The following ZNF837 variants were observed in gnomAD, a reference collection of about 807,000 sequenced individuals.
ZNF837 encodes the protein zinc finger protein 837.
For synonymous variants in ZNF837, 475 were observed against 365.2 expected (o/e 1.30, Z -3.43); for missense variants, 955 against 801.7 (o/e 1.19, Z -2.31).
chr19:58,370,873 C>T (rs530769075), intron 1 of ZNF837, among the ~76,000 whole-genome samples: 136 of 137,486 alleles, frequency 9.9e-4, no homozygotes, highest in Middle Eastern at 4.1e-3. Flanking sequence ...CCAGCCTGGG[C>T]AACAAAAGTG....
Position 58,367,751 on chromosome 19 carries a change from G to C in ZNF837, c.1582C>G (p.Arg528Gly). ...GCTCCCTGCAGTCAAGGCGCGGCGC[G>C]GCCCCCGTGCCGCTTCCGGTGCTCG... ...LNEHRKRHGG[R>G]AAP The change falls in exon 3 of 3, where the codon CGC becomes GGC. Residue 528 changes from arginine (R) to glycine (G), a missense_variant. Coordinates refer to ENST00000597582, the MANE Select transcript of ZNF837 (RefSeq NM_138466.2). 1 of 1,527,162 alleles carries C rather than the reference G, an allele frequency of 6.5e-7. No homozygotes were observed. 94.6% of individuals were successfully genotyped at this position (1,527,162 alleles called of 1,614,324 possible).
rs1487693541 is a variant in ZNF837 at position 58,369,122 on chromosome 19, C to T, written c.211G>A (p.Gly71Arg). The T allele has an allele frequency of 1.9e-5, 28 of 1,481,352 alleles. No homozygotes were observed. Among genetic ancestry groups the T allele is most frequent in the Non-Finnish European group, 2.4e-5 (27 of 1,117,706 alleles). 91.8% of individuals were successfully genotyped at this position (1,481,352 alleles called of 1,614,324 possible). ...CGGGTCCCCGGGCCGGGGCTCACCC[C>T]GAGGCTGCAGCCCCGGGAGCCCCCG... is the stretch of plus-strand genomic sequence containing the variant. ...PGGGSRGCSLGVSPGPGTRHS... is the reference protein window; with the variant it reads ...PGGGSRGCSLRVSPGPGTRHS... Residue 71 changes from glycine to arginine, a missense_variant, in exon 3 of 3, where the codon GGG (glycine) becomes AGG (arginine). Transcript: ENST00000597582.
At chr19:58,371,283 C>T (rs1599924287) in intron 1 of ZNF837, among the ~76,000 whole-genome samples, 1 of 150,750 alleles carries the variant, frequency 6.6e-6, no homozygotes, top group Admixed American at 6.6e-5. Flanking sequence ...TGATGCATGC[C>T]TGTAGTCCCA....
chr19:58,373,105 A>C (rs2052215407), intron 1 of ZNF837, among the ~76,000 whole-genome samples: 1 of 152,190 alleles, frequency 6.6e-6, no homozygotes, highest in Non-Finnish European at 1.5e-5. Flanking sequence ...GTGAGACAGG[A>C]AAGGTGAGGC....
At chr19:58,372,389 C>G (rs1031438236) in intron 1 of ZNF837, among the ~76,000 whole-genome samples, 1 of 147,170 alleles carries the variant, frequency 6.8e-6, no homozygotes, top group Non-Finnish European at 1.5e-5. Flanking sequence ...CTCAGAGGGC[C>G]GGGTGTGGTG....
Position 58,368,017 on chromosome 19 carries a change from C to A in ZNF837, c.1316G>T (p.Arg439Leu), listed in dbSNP as rs888404148. 6.5e-7 allele frequency: 1 copy of A among 1,534,370 alleles called. No individual in the cohort carries two copies. The highest frequency in any genetic ancestry group is 8.7e-7 in the Non-Finnish European group (1 of 1,144,976). The change falls in exon 3 of 3, where the codon CGC becomes CTC. Residue 439 changes from arginine (R) to leucine (L), a missense_variant. Physicochemically the swap from Arg to Leu is moderately radical, Grantham distance 102. Transcript: ENST00000597582. ...ATAGGGCCGCTCGCCGGTGTGCGCG[C>A]GCTGGTGTTGCACCAGGCCCGAGCG... Reference protein sequence around the residue: ...KGRSGLVQHQRAHTGERPYGC... With the variant: ...KGRSGLVQHQLAHTGERPYGC...
chr19:58,368,286 C>G lies in ZNF837; in HGVS notation c.1047G>C (p.Glu349Asp), dbSNP rs770204146. ...LGCPPCGDYS[E>D]RSPRRGSGAG... ...CTCCCGACCCCCGTCGGGGACTCCG[C>G]TCGCTGTAGTCCCCGCAGGGCGGGC... The change falls in exon 3 of 3, where the codon GAG (glutamate) becomes GAC (aspartate). Residue 349 changes from glutamate to aspartate, a missense_variant. Physicochemically the swap from Glu to Asp is conservative, Grantham distance 45. Transcript: ENST00000597582. 7.4e-6 allele frequency: 11 copies of G among 1,482,304 alleles called. No individual in the cohort carries two copies. The South Asian group carries it at 1.3e-4, about 18-fold the overall frequency. 91.8% of individuals were successfully genotyped at this position (1,482,304 alleles called of 1,614,324 possible). A position where few individuals can be genotyped will look rare whatever the true frequency, so the allele number is the denominator to read the frequency against.
Position 58,367,842 on chromosome 19 carries a change from G to A in ZNF837, c.1491C>T (p.His497=). Residue 497 remains histidine (H), a synonymous_variant, in exon 3 of 3, where the codon CAC becomes CAT. Transcript: ENST00000597582. ...CGCACGCGTAGGGCCGCTCGCCCGT[G>A]TGCGTGCGCAGGTGGCGCACCAGGC... ...NCSLVRHLRT[H]TGERPYACGD... is the part of the protein sequence containing the mutation. 6 of 1,536,220 alleles carry A rather than the reference G, an allele frequency of 3.9e-6. No homozygotes were observed. Among genetic ancestry groups the A allele is most frequent in the Non-Finnish European group, 5.2e-6 (6 of 1,144,818 alleles).
chr19:58,367,926 G>A lies in ZNF837; in HGVS notation c.1407C>T (p.His469=). The stretch of plus-strand genomic sequence containing the variant: ...GGCAGATGTAGGGCTTCTCGCCCGA[G>A]TGCAGGCGCTCGTGCTGGCGCAGCT... ...CSELRQHERL[H]SGEKPYICRD... Residue 469 remains histidine (H), a synonymous_variant, in exon 3 of 3, where the codon CAC becomes CAT. Transcript: ENST00000597582. The A allele has an allele frequency of 6.5e-7, 1 of 1,534,518 alleles. No homozygotes were observed. The highest frequency in any genetic ancestry group is 8.7e-7 in the Non-Finnish European group (1 of 1,144,182).
In ZNF837 at chr19:58,368,004, G is replaced by T; in HGVS notation, c.1329C>A (p.Gly443=). ...ACTCGGAGCAGCCATAGGGCCGCTCGCCGGTGTGCGCGCGCTGGTGTTGCA... is the reference window on the plus strand; with the variant it reads ...ACTCGGAGCAGCCATAGGGCCGCTCTCCGGTGTGCGCGCGCTGGTGTTGCA... ...GLVQHQRAHT[G]ERPYGCSECG... Residue 443 remains glycine, a synonymous_variant, in exon 3 of 3, where the codon GGC becomes GGA. Coordinates refer to ENST00000597582, the MANE Select transcript of ZNF837 (RefSeq NM_138466.2). 1 of 1,532,632 alleles carries T rather than the reference G, an allele frequency of 6.5e-7. No individual in the cohort carries two copies. 94.9% of individuals were successfully genotyped at this position (1,532,632 alleles called of 1,614,324 possible). A position where few individuals can be genotyped will look rare whatever the true frequency, so the allele number is the denominator to read the frequency against.
Position 58,377,021 on chromosome 19 carries a change from G to T in ZNF837, c.-140+3920C>A, listed in dbSNP as rs139084064. On this transcript the variant is annotated intron_variant, in intron 1 of 2. Transcript: ENST00000597582. ...TCACGAGGTCAGGAGATTGAGACCA[G>T]CCTGGCTAACATGGTGAAACCCCAT... 6.6e-4 allele frequency among the ~76,000 whole-genome samples: 99 copies of T among 150,308 alleles called. 1 individual carries two copies. The East Asian group carries it at 0.017, about 25-fold the overall frequency.
At position 58,369,032 on chromosome 19, in the gene ZNF837, C is replaced by T. The variant is rs1021728143; in HGVS notation, c.301G>A (p.Glu101Lys). The change falls in exon 3 of 3, where the codon GAG becomes AAG. Residue 101 changes from glutamate to lysine, a missense_variant. By Grantham distance (56) the Glu-to-Lys change is moderately conservative. Transcript: ENST00000597582. ...PCGPTSSQNP[E>K]LVIPEGLQAR... ...TGCAGCCCCTCGGGGATAACCAGCT[C>T]AGGGTTCTGAGAAGAGGTGGGGCCG... is the stretch of plus-strand genomic sequence containing the variant. The T allele has an allele frequency of 3.3e-6, 5 of 1,514,528 alleles. No individual in the cohort carries two copies. In the African/African-American group the frequency reaches 5.6e-5, roughly 17 times the overall value. The allele number at this position is 1,514,528 out of a possible 1,614,324, so 93.8% of individuals were successfully genotyped here. A position where few individuals can be genotyped will look rare whatever the true frequency, so the allele number is the denominator to read the frequency against.
chr19:58,367,714 C>G lies in ZNF837; in HGVS notation c.*23G>C. On this transcript the variant is annotated 3_prime_UTR_variant, in exon 3 of 3. Transcript: ENST00000597582. The stretch of plus-strand genomic sequence containing the variant: ...CGACGCAGGGTTCGCTTGGGCGACG[C>G]GTCGACTCTCGGCTCCCTGCAGTCA... 6.8e-7 allele frequency: 1 copy of G among 1,481,480 alleles called. No homozygotes were observed. Among genetic ancestry groups the G allele is most frequent in the African/African-American group, 1.4e-5 (1 of 70,626 alleles). 91.8% of individuals were successfully genotyped at this position (1,481,480 alleles called of 1,614,324 possible).
At chr19:58,380,381 G>A (rs891402639) in intron 1 of ZNF837, among the ~76,000 whole-genome samples, 1 of 152,226 alleles carries the variant, frequency 6.6e-6, no homozygotes, top group Non-Finnish European at 1.5e-5. Context: ...CTAATAGTGA[G>A]TGAAGGAGGG....
intron 1 of ZNF837, among the ~76,000 whole-genome samples, chr19:58,372,617 A>C: frequency 6.6e-6 from 1 of 152,212 alleles, no homozygotes; most frequent in Non-Finnish European, 1.5e-5. Flanking sequence ...CATTTAACCA[A>C]GACTCTACAT....
chr19:58,377,685 G>A (rs762206824), intron 1 of ZNF837, among the ~76,000 whole-genome samples: 3 of 152,156 alleles, frequency 2.0e-5, no homozygotes, highest in Admixed American at 6.5e-5. Flanking sequence ...GAACATGCTC[G>A]CTGGGAATGA....
Position 58,367,678 on chromosome 19 carries a change from A to G in ZNF837, c.*59T>C, listed in dbSNP as rs185869897. The G allele has an allele frequency of 1.2e-3, 1,691 of 1,437,716 alleles. 10 individuals are homozygous for G. The African/African-American group carries it at 0.019, about 16-fold the overall frequency. The allele number at this position is 1,437,716 out of a possible 1,614,324, so 89.1% of individuals were successfully genotyped here. A position where few individuals can be genotyped will look rare whatever the true frequency, so the allele number is the denominator to read the frequency against. ...AACGTTGGTGGGTTTTCCGGGACAAAGGCCCCTCCTCGACGCAGGGTTCGC... is the reference window on the plus strand; with the variant it reads ...AACGTTGGTGGGTTTTCCGGGACAAGGGCCCCTCCTCGACGCAGGGTTCGC... On this transcript the variant is annotated 3_prime_UTR_variant, in exon 3 of 3. Transcript: ENST00000597582.
At chr19:58,375,089 T>A (rs2052230376) in intron 1 of ZNF837, among the ~76,000 whole-genome samples, 1 of 148,796 alleles carries the variant, frequency 6.7e-6, no homozygotes, top group Non-Finnish European at 1.5e-5. Context: ...TGAAACCCTG[T>A]CTATACTAAA....
At chr19:58,371,090 A>C (rs2052197406) in intron 1 of ZNF837, among the ~76,000 whole-genome samples, 1 of 151,458 alleles carries the variant, frequency 6.6e-6, no homozygotes, top group Non-Finnish European at 1.5e-5. Context: ...AAATACAAAA[A>C]ATTAGCTGGG....
Sources: allele counts gnomAD v4.1 joint callset (sites outside exome capture counted in the v4.1 genomes callset), GRCh38; gene constraint gnomAD v4.1.1; transcripts MANE v1.5; gene names NCBI Gene and HGNC (gene_info 2026-07-23, HGNC 2026-07-21).